Variants in LIPC observed in about 807,000 individuals in gnomAD.
LIPC encodes lipase C, hepatic type, also known as hepatic triacylglycerol lipase.
In LIPC, 44 loss-of-function variants were observed where a neutral mutation model predicts 50.7. The ratio of observed to expected loss-of-function variants is 0.87; its 90% confidence interval spans 0.68 to 1.11. LIPC has a LOEUF of 1.11. Ranked by LOEUF, LIPC falls within the 50% of genes most tolerant of loss-of-function variation. LIPC has a pLI of 0.00. For synonymous variants in LIPC, 271 were observed against 256.4 expected (o/e 1.06, Z -0.54); for missense variants, 697 against 648.2 (o/e 1.08, Z -0.82).
At chr15:58,512,961 G>A (rs562715456) in intron 1 of LIPC, among the ~76,000 whole-genome samples, 4,126 of 125,288 alleles carry the variant, frequency 0.033, 84 homozygotes, top group Non-Finnish European at 0.048. Flanking sequence ...AAGCATCAAC[G>A]AAAAAAAAAA....
intron 1 of LIPC, among the ~76,000 whole-genome samples, chr15:58,515,140 C>A (rs528123186): frequency 6.6e-6 from 1 of 152,130 alleles, no homozygotes; most frequent in Admixed American, 6.5e-5. Context: ...CTTATAAGAA[C>A]CCTTGTGATT....
In LIPC at chr15:58,563,493, T is replaced by C; in HGVS notation, c.1170-12T>C. The C allele has an allele frequency of 6.2e-7, 1 of 1,605,568 alleles. No individual in the cohort carries two copies. On this transcript the variant is annotated splice_polypyrimidine_tract_variant and intron_variant, in intron 7 of 8. Transcript: ENST00000299022. ...TAAACTGATTGTGTCTGATTTTCTT[T>C]GTGTATTCAAGGGGCAAAGGAATTG...
intron 1 of LIPC, among the ~76,000 whole-genome samples, chr15:58,537,001 C>G (rs981130239): frequency 6.5e-4 from 99 of 152,278 alleles, no homozygotes; most frequent in African/African-American, 2.3e-3. Context: ...AAAGAATGAT[C>G]AGGGTCCTTA....
At chr15:58,563,359 A>G (rs1271919426) in intron 7 of LIPC, 146 bp from the exon 8 acceptor site, 13 of 717,070 alleles carry the variant, frequency 1.8e-5, no homozygotes, top group Non-Finnish European at 3.0e-5. Context: ...TGCTAACTCT[A>G]TCAATAGTCT....
At chr15:58,446,215 T>G (rs778464926) in intron 1 of LIPC, among the ~76,000 whole-genome samples, 1 of 152,170 alleles carries the variant, frequency 6.6e-6, no homozygotes, top group Non-Finnish European at 1.5e-5. Flanking sequence ...TTTCTTTCTT[T>G]TTTTGAGACA....
intron 1 of LIPC, among the ~76,000 whole-genome samples, chr15:58,466,979 ATCC>A (rs1421885681): frequency 2.0e-5 from 3 of 152,216 alleles, no homozygotes; most frequent in Non-Finnish European, 4.4e-5. Flanking sequence ...TCTTGTCTGA[ATCC>A]TCATGACAAC....
At position 58,545,880 on chromosome 15, in the gene LIPC, T is replaced by C. The variant is rs765084049; in HGVS notation, c.713T>C (p.Ile238Thr). ...MGLSVGIKQP[I>T]GHYDFYPNGG... ...CTGAGCGTGGGCATCAAACAGCCCA[T>C]AGGACACTATGACTTCTATCCCAAC... Residue 238 changes from isoleucine to threonine, a missense_variant, in exon 5 of 9, where the codon ATA (isoleucine) becomes ACA (threonine). Physicochemically the swap from Ile to Thr is moderately conservative, Grantham distance 89. Transcript: ENST00000299022. 3 of 1,614,150 alleles carry C rather than the reference T, an allele frequency of 1.9e-6. No homozygotes were observed. The highest frequency in any genetic ancestry group is 2.5e-6 in the Non-Finnish European group (3 of 1,180,026).
chr15:58,505,894 G>T (rs1470166919), intron 1 of LIPC, among the ~76,000 whole-genome samples: 1 of 102,630 alleles, frequency 9.7e-6, no homozygotes, highest in African/African-American at 3.8e-5. Context: ...CAGCCCTAGG[G>T]AGCCAGTACC....
chr15:58,479,817 G>A (rs1228268300), intron 1 of LIPC, among the ~76,000 whole-genome samples: 2 of 152,146 alleles, frequency 1.3e-5, no homozygotes, highest in African/African-American at 4.8e-5. Context: ...CTCTCTAGCT[G>A]TTGGTGAGGG....
intron 1 of LIPC, among the ~76,000 whole-genome samples, chr15:58,538,113 A>G (rs532370799): frequency 6.6e-6 from 1 of 152,278 alleles, no homozygotes; most frequent in South Asian, 2.1e-4. Flanking sequence ...ATAACAGGCT[A>G]GAGGATCTGG....
chr15:58,479,595 G>T (rs1397780512), intron 1 of LIPC, among the ~76,000 whole-genome samples: 2 of 152,182 alleles, frequency 1.3e-5, no homozygotes, highest in Non-Finnish European at 2.9e-5. Flanking sequence ...TAATGTCAAT[G>T]CAGATTGTAA....
intron 1 of LIPC, among the ~76,000 whole-genome samples, chr15:58,506,113 C>CT (rs2140847286): frequency 6.6e-6 from 1 of 152,308 alleles, no homozygotes; most frequent in East Asian, 1.9e-4. Context: ...GTTTGGGTGC[C>CT]TGTAGTACCT....
intron 8 of LIPC, among the ~76,000 whole-genome samples, chr15:58,567,291 A>G (rs1170292194): frequency 1.0e-4 from 6 of 57,970 alleles, no homozygotes; most frequent in East Asian, 3.2e-4. Context: ...GTATATATAT[A>G]TACATATATA....
chr15:58,483,613 G>A (rs1287579821), intron 1 of LIPC, among the ~76,000 whole-genome samples: 1 of 152,110 alleles, frequency 6.6e-6, no homozygotes, highest in Non-Finnish European at 1.5e-5. Flanking sequence ...ATAAACCACA[G>A]ATACAAAGTA....
chr15:58,529,630 T>A (rs558553059), intron 1 of LIPC, among the ~76,000 whole-genome samples: 26 of 152,366 alleles, frequency 1.7e-4, no homozygotes, highest in African/African-American at 6.0e-4. Flanking sequence ...GGCCTTTATG[T>A]GGCATGGAAT....
chr15:58,436,487 TTG>T (rs1424541314), intron 1 of LIPC: 2 of 262,210 alleles, frequency 7.6e-6, no homozygotes, highest in Non-Finnish European at 1.5e-5. Context: ...TAAAATGTAT[TTG>T]TCTTTTTAAA....
At chr15:58,481,372 G>C (rs117745870) in intron 1 of LIPC, among the ~76,000 whole-genome samples, 13 of 152,298 alleles carry the variant, frequency 8.5e-5, no homozygotes, top group Non-Finnish European at 1.8e-4. Flanking sequence ...ACCTACACAT[G>C]TATGAGAAAA....
intron 1 of LIPC, among the ~76,000 whole-genome samples, chr15:58,492,735 T>A (rs1441378419): frequency 6.6e-6 from 1 of 152,150 alleles, no homozygotes; most frequent in Non-Finnish European, 1.5e-5. Context: ...CTATTTTTGT[T>A]TTTTGTTCTG....
chr15:58,547,255 C>T (rs1893563884), intron 5 of LIPC, among the ~76,000 whole-genome samples: 2 of 152,194 alleles, frequency 1.3e-5, no homozygotes, highest in Non-Finnish European at 2.9e-5. Flanking sequence ...TGCACAGGGG[C>T]TCACTGGATA....
Sources: gnomAD v4.1 joint callset for allele counts (sites outside exome capture counted in the v4.1 genomes callset) on GRCh38, gnomAD v4.1.1 for gene constraint, MANE v1.5 for transcripts, NCBI Gene and HGNC (gene_info 2026-07-23, HGNC 2026-07-21) for gene names.